PLEKHA5: variants seen among roughly 807,000 people sequenced by gnomAD.
PLEKHA5 encodes pleckstrin homology domain containing A5.
Under a neutral mutation model 181.9 loss-of-function variants are expected in PLEKHA5, and 55 were observed. That is an observed-to-expected ratio of 0.30 (90% CI 0.24 to 0.38). The LOEUF is 0.38. PLEKHA5 is among the 10% of genes least tolerant of loss of function. The probability of loss-of-function intolerance (pLI) is 1.00; values close to 1 mark genes in which losing one functional copy is unlikely to be tolerated. For synonymous variants in PLEKHA5, 535 were observed against 529.4 expected, an observed-to-expected ratio of 1.01 and a Z score of -0.15; for missense variants, 1,432 against 1,549.5, an observed-to-expected ratio of 0.92 and a Z score of 1.27.
At chr12:19,333,697 C>T (rs2093080790) in intron 20 of PLEKHA5, among the ~76,000 whole-genome samples, 1 of 151,478 alleles carries the variant, frequency 6.6e-6, no homozygotes, top group African/African-American at 2.4e-5. Flanking sequence ...CAACCTCCAC[C>T]CCCCAGGTTC....
chr12:19,346,960 T>C, intron 23 of PLEKHA5, 34 bp from the exon 24 acceptor site: 2 of 1,410,942 alleles, frequency 1.4e-6, no homozygotes, highest in Non-Finnish European at 1.9e-6. Flanking sequence ...TCAATCTGCT[T>C]ATCTAAATAA....
chr12:19,339,287 C>T (rs939345105), intron 21 of PLEKHA5, among the ~76,000 whole-genome samples: 6 of 152,040 alleles, frequency 3.9e-5, no homozygotes, highest in Non-Finnish European at 8.8e-5. Context: ...GTGATCTGCC[C>T]GCCTTGGCCT....
intron 3 of PLEKHA5, among the ~76,000 whole-genome samples, chr12:19,244,957 G>T (rs2152476343): frequency 6.6e-6 from 1 of 152,158 alleles, no homozygotes; most frequent in East Asian, 1.9e-4. Flanking sequence ...TGTCACTGAA[G>T]TTGCCCATGA....
chr12:19,271,191 A>G (rs971021337), intron 10 of PLEKHA5, among the ~76,000 whole-genome samples: 1 of 152,198 alleles, frequency 6.6e-6, no homozygotes, highest in Non-Finnish European at 1.5e-5. Flanking sequence ...ATAACGAGAG[A>G]AAATGTGTAG....
intron 3 of PLEKHA5, among the ~76,000 whole-genome samples, chr12:19,223,134 C>G (rs543430751): frequency 1.3e-5 from 2 of 151,644 alleles, no homozygotes; most frequent in African/African-American, 2.4e-5. Flanking sequence ...CGCTACAACC[C>G]GTGGCTCCTA....
intron 3 of PLEKHA5, among the ~76,000 whole-genome samples, chr12:19,162,025 A>C (rs551854646): frequency 6.6e-6 from 1 of 152,224 alleles, no homozygotes; most frequent in Non-Finnish European, 1.5e-5. Flanking sequence ...CAAATCAGAG[A>C]TACTGCTAAT....
intron 24 of PLEKHA5, among the ~76,000 whole-genome samples, chr12:19,347,539 C>T (rs76522708): frequency 3.9e-5 from 6 of 151,920 alleles, no homozygotes; most frequent in Non-Finnish European, 8.8e-5. Flanking sequence ...AAGAAAAAGA[C>T]CGTTACTAGG....
At chr12:19,297,712 C>G (rs1565582457) in intron 15 of PLEKHA5, among the ~76,000 whole-genome samples, 1 of 147,794 alleles carries the variant, frequency 6.8e-6, no homozygotes, top group Non-Finnish European at 1.5e-5. Flanking sequence ...TTGCCAGAGT[C>G]AATAGCTAAA....
intron 13 of PLEKHA5, among the ~76,000 whole-genome samples, chr12:19,290,424 A>C (rs1043023644): frequency 6.6e-6 from 1 of 152,178 alleles, no homozygotes; most frequent in African/African-American, 2.4e-5. Context: ...TAACATTTAA[A>C]TGTTCTCATG....
chr12:19,161,191 A>G lies in PLEKHA5; in HGVS notation c.227+28741A>G, dbSNP rs1316502967. 5.9e-5 allele frequency among the ~76,000 whole-genome samples: 9 copies of G among 152,130 alleles called. No individual in the cohort carries two copies. In the East Asian group the frequency reaches 1.5e-3, roughly 26 times the overall value. On this transcript the variant is annotated intron_variant, in intron 3 of 31. Transcript: ENST00000429027. ...ATTCTCTGAAGAAAGGGAGTAGGAA[A>G]ACTTCATGTATTTTTTTTCCCCACT... is the stretch of plus-strand genomic sequence containing the variant.
intron 3 of PLEKHA5, among the ~76,000 whole-genome samples, chr12:19,235,681 C>T (rs1428013951): frequency 6.6e-6 from 1 of 152,146 alleles, no homozygotes; most frequent in Non-Finnish European, 1.5e-5. Flanking sequence ...GAACTGGGGT[C>T]ATCTGACTTC....
intron 8 of PLEKHA5, among the ~76,000 whole-genome samples, chr12:19,267,322 A>G (rs1184781803): frequency 2.6e-5 from 4 of 152,190 alleles, no homozygotes; most frequent in Non-Finnish European, 5.9e-5. Flanking sequence ...TGTAGAGAAT[A>G]CTGAGGACTG....
At chr12:19,136,364 A>G (rs868672283) in intron 3 of PLEKHA5, among the ~76,000 whole-genome samples, 9 of 152,162 alleles carry the variant, frequency 5.9e-5, no homozygotes, top group African/African-American at 2.2e-4. Context: ...TTATGCTGTT[A>G]TCTTTATGAA....
intron 20 of PLEKHA5, among the ~76,000 whole-genome samples, chr12:19,328,359 T>C (rs2092462753): frequency 6.6e-6 from 1 of 152,154 alleles, no homozygotes; most frequent in Non-Finnish European, 1.5e-5. Flanking sequence ...CTGTGAAAAA[T>C]GATGGTAGTT....
At chr12:19,181,653 G>A (rs1389380714) in intron 3 of PLEKHA5, among the ~76,000 whole-genome samples, 5 of 152,220 alleles carry the variant, frequency 3.3e-5, no homozygotes, top group African/African-American at 1.2e-4. Flanking sequence ...GCAGGCGCCT[G>A]TAATCCCAGC....
At position 19,354,289 on chromosome 12, in the gene PLEKHA5, C is replaced by G. The variant is rs570666362; in HGVS notation, c.3138+287C>G. ...GCCTTAGCCTCCGGAGTAGCTGGGA[C>G]TACAGGCGCCCGCCACCACGCCCGG... On this transcript the variant is annotated intron_variant, in intron 26 of 31. Transcript: ENST00000429027. Among the ~76,000 whole-genome samples, 46 of 147,154 alleles carry G rather than the reference C, an allele frequency of 3.1e-4. 2 individuals carry two copies. The Admixed American group carries it at 3.2e-3, about 10-fold the overall frequency.
At chr12:19,287,379 A>G in intron 12 of PLEKHA5, 94 bp from the exon 13 acceptor site, 2 of 766,596 alleles carry the variant, frequency 2.6e-6, no homozygotes, top group East Asian at 2.4e-5. Flanking sequence ...TTTAAATGGT[A>G]TTTCATAATA....
chr12:19,353,588 T>A (rs2094730835), intron 25 of PLEKHA5, among the ~76,000 whole-genome samples: 1 of 152,128 alleles, frequency 6.6e-6, no homozygotes, highest in Admixed American at 6.6e-5. Flanking sequence ...GCCTCCCGAG[T>A]AGTTGGGATT....
intron 29 of PLEKHA5, among the ~76,000 whole-genome samples, chr12:19,363,390 G>C (rs560818271): frequency 6.6e-6 from 1 of 150,564 alleles, no homozygotes; most frequent in Admixed American, 6.6e-5. Context: ...GGATGGTCTC[G>C]ATCTCCTGAC....
Sources: allele counts gnomAD v4.1 joint callset (sites outside exome capture counted in the v4.1 genomes callset), GRCh38; gene constraint gnomAD v4.1.1; transcripts MANE v1.5; gene names NCBI Gene and HGNC (gene_info 2026-07-23, HGNC 2026-07-21).